Variants in TTC21A observed in about 807,000 individuals in gnomAD.
TTC21A encodes tetratricopeptide repeat domain 21A.
A neutral mutation model predicts 156.4 loss-of-function variants in TTC21A; 128 were observed. The ratio of observed to expected loss-of-function variants is 0.82; its 90% CI spans 0.71 to 0.95. The LOEUF is 0.95. Among genes scored for constraint, TTC21A ranks in the 40% least tolerant of loss-of-function variants. The pLI is 0.00. For synonymous variants in TTC21A, 587 were observed against 617.1 expected (o/e 0.95, Z 0.72); for missense variants, 1,435 against 1,602.3 (o/e 0.90, Z 1.78).
At position 39,109,140 on chromosome 3, in the gene TTC21A, C is replaced by A. The variant is rs1488185438; in HGVS notation, c.83C>A (p.Ala28Glu). Residue 28 changes from alanine (A) to glutamate (E), a missense_variant, in exon 2 of 29, where the codon GCA becomes GAA. Ala to Glu is a moderately radical substitution (Grantham distance 107). Transcript: ENST00000683103. ...TACTTCCACCATGTGCAGCAGGCTG[C>A]AGCTGTGGGCCTGGAAAAATTCAGC... ...EKYFHHVQQA[A>E]AVGLEKFSND... The A allele has an allele frequency of 5.0e-6, 8 of 1,614,010 alleles. No individual in the cohort carries two copies. The highest frequency in any genetic ancestry group is 6.8e-6 in the Non-Finnish European group (8 of 1,179,982).
intron 5 of TTC21A, 34 bp downstream of exon 5, chr3:39,112,614 C>A: frequency 6.2e-7 from 1 of 1,609,578 alleles, no homozygotes; most frequent in East Asian, 2.2e-5. Context: ...TGGAAGTATT[C>A]CTGGCCAGGC....
intron 15 of TTC21A, among the ~76,000 whole-genome samples, chr3:39,129,514 T>C (rs551117276): frequency 5.3e-5 from 8 of 152,242 alleles, no homozygotes; most frequent in Non-Finnish European, 8.8e-5. Flanking sequence ...CAGAATCGAA[T>C]TGGCCCTGAG....
In TTC21A at chr3:39,137,353, C is replaced by G; in HGVS notation, c.3416C>G (p.Ala1139Gly). The G allele has an allele frequency of 6.2e-7, 1 of 1,613,392 alleles. No homozygotes were observed. Among genetic ancestry groups the G allele is most frequent in the Non-Finnish European group, 8.5e-7 (1 of 1,179,716 alleles). Residue 1139 changes from alanine (A) to glycine (G), a missense_variant, in exon 25 of 29, where the codon GCG (alanine) becomes GGG (glycine). By Grantham distance (60) the Ala-to-Gly change is moderately conservative (BLOSUM62 0). Transcript: ENST00000683103. ...AGGGAGAAGGCTAACATGGAGGCTG[C>G]GCTGGGCAGCTTCATCCAGATAGCG... is the stretch of plus-strand genomic sequence containing the variant. ...ATREKANMEA[A>G]LGSFIQIAQA...
rs765603282 is a variant in TTC21A at position 39,129,287 on chromosome 3, G to C, written c.2112G>C (p.Arg704Ser). Reference sequence around the variant, plus strand: ...TCTACCTGCAGACCCTCAGAGACAGGCGCCTCTACATCAGATGCTACCGGT... The same window carrying C: ...TCTACCTGCAGACCCTCAGAGACAGCCGCCTCTACATCAGATGCTACCGGT... ...ANIYLQTLRDRRLYIRCYREL... is the reference protein window; with the variant it reads ...ANIYLQTLRDSRLYIRCYREL... The change falls in exon 15 of 29, where the codon AGG (arginine) becomes AGC (serine). Residue 704 changes from arginine (R) to serine (S), a missense_variant. Transcript: ENST00000683103. 6.2e-7 allele frequency: 1 copy of C among 1,614,138 alleles called. No individual in the cohort carries two copies. The highest frequency in any genetic ancestry group is 8.5e-7 in the Non-Finnish European group (1 of 1,179,954).
chr3:39,109,035 A>G, intron 1 of TTC21A, 50 bp from the exon 2 acceptor site: 1 of 1,595,460 alleles, frequency 6.3e-7, no homozygotes, highest in Non-Finnish European at 8.6e-7. Flanking sequence ...GGGACAGAAC[A>G]GAGACAGAGA....
At chr3:39,127,912 T>C (rs2038400759) in intron 12 of TTC21A, among the ~76,000 whole-genome samples, 1 of 152,252 alleles carries the variant, frequency 6.6e-6, no homozygotes, top group Admixed American at 6.5e-5. Context: ...AATCAGACTT[T>C]CTAAAGTGTT....
chr3:39,138,030 C>A (rs532286882), intron 26 of TTC21A, among the ~76,000 whole-genome samples: 5 of 152,018 alleles, frequency 3.3e-5, no homozygotes, highest in African/African-American at 4.8e-5. Context: ...ATGGGAGTGG[C>A]GGAACAGGAG....
Position 39,129,057 on chromosome 3 carries a change from A to T in TTC21A, c.1897-15A>T. ...GTGCATCAAGTGAAGGGTCTGTTTG[A>T]TTCCCATGTTTTAGCATGAGGCCAC... On this transcript the variant is annotated splice_polypyrimidine_tract_variant and intron_variant, in intron 14 of 28. Transcript: ENST00000683103. 1 of 1,613,740 alleles carries T rather than the reference A, an allele frequency of 6.2e-7. No homozygotes were observed. Among genetic ancestry groups the T allele is most frequent in the Non-Finnish European group, 8.5e-7 (1 of 1,179,630 alleles).
chr3:39,126,385 A>G lies in TTC21A; in HGVS notation c.1517A>G (p.Tyr506Cys), dbSNP rs767135088. 6.2e-7 allele frequency: 1 copy of G among 1,605,798 alleles called. No homozygotes were observed. Among genetic ancestry groups the G allele is most frequent in the South Asian group, 1.1e-5 (1 of 90,932 alleles). ...PLYLMAQVRY[Y>C]SGELENAQSI... ...TATTTGATGGCTCAGGTCAGGTATT[A>G]CTCAGGTGAGCGGGGGATCCTGACA... is the stretch of plus-strand genomic sequence containing the variant. The change falls in exon 12 of 29, where the codon TAC (tyrosine) becomes TGC (cysteine). Residue 506 changes from tyrosine (Y) to cysteine (C), a missense_variant. Transcript: ENST00000683103.
chr3:39,125,769 A>G (rs957804595), intron 11 of TTC21A, among the ~76,000 whole-genome samples: 4 of 152,232 alleles, frequency 2.6e-5, no homozygotes, highest in African/African-American at 9.6e-5. Flanking sequence ...CTGCATCTCT[A>G]ACAGGCTCCC....
Position 39,137,682 on chromosome 3 carries a change from T to G in TTC21A, c.3647T>G (p.Leu1216Arg). 1 of 1,613,518 alleles carries G rather than the reference T, an allele frequency of 6.2e-7. No homozygotes were observed. The highest frequency in any genetic ancestry group is 8.5e-7 in the Non-Finnish European group (1 of 1,179,808). The change falls in exon 26 of 29, where the codon CTG becomes CGG. Residue 1216 changes from leucine (L) to arginine (R), a missense_variant. Physicochemically the swap from Leu to Arg is moderately radical, Grantham distance 102 (BLOSUM62 -2). Transcript: ENST00000683103. Reference sequence around the variant, plus strand: ...AGCAAGTTCGACCTCGCCTTAGAACTGCTGCGGCGCTGTGTGCAATACAAC... The same window carrying G: ...AGCAAGTTCGACCTCGCCTTAGAACGGCTGCGGCGCTGTGTGCAATACAAC... Reference protein sequence around the residue: ...QGSKFDLALELLRRCVQYNKS... With the variant: ...QGSKFDLALERLRRCVQYNKS...
chr3:39,108,999 G>A (rs571595194), intron 1 of TTC21A, 86 bp from the exon 2 acceptor site: 162 of 1,461,398 alleles, frequency 1.1e-4, no homozygotes, highest in Middle Eastern at 9.0e-4. Flanking sequence ...CAGGGGATAG[G>A]GAAGGGAGCA....
At chr3:39,119,759 A>G (rs2037600034) in intron 7 of TTC21A, 163 bp from the exon 8 acceptor site, 2 of 590,726 alleles carry the variant, frequency 3.4e-6, no homozygotes. Flanking sequence ...TGATGCCTGG[A>G]CCACTCCAAT....
In TTC21A at chr3:39,130,313, C is replaced by T; in HGVS notation, c.2274C>T (p.Ala758=). 6.2e-7 allele frequency: 1 copy of T among 1,613,960 alleles called. No individual in the cohort carries two copies. The highest frequency in any genetic ancestry group is 8.5e-7 in the Non-Finnish European group (1 of 1,179,930). ...AGAACCCACATGACGCCTCCCTGGC[C>T]AGCAGAATTGGGCACGCTTATGTGA... ...YRQNPHDASL[A]SRIGHAYVKA... The change falls in exon 17 of 29, where the codon GCC becomes GCT. Residue 758 remains alanine (A), a synonymous_variant. Transcript: ENST00000683103. This position sits in a 1 kb window ranked among gnomAD's most constrained non-coding sequence, Gnocchi z 4.5.
intron 12 of TTC21A, 130 bp downstream of exon 12, chr3:39,126,520 A>ACACC: frequency 2.4e-6 from 2 of 821,602 alleles, no homozygotes; most frequent in Non-Finnish European, 1.8e-6. Context: ...ACACACACAC[A>ACACC]CTCTCCTTGC....
Position 39,136,935 on chromosome 3 carries a change from G to A in TTC21A, c.3132G>A (p.Leu1044=), listed in dbSNP as rs764988186. The part of the protein sequence containing the change: ...IGQPNEALKF[L]NKARKDSTWG... ...AGCCCAACGAAGCCTTAAAGTTCCT[G>A]AACAAGGCACGCAAGGACAGCACTT... The change falls in exon 24 of 29, where the codon CTG becomes CTA. Residue 1044 remains leucine, a synonymous_variant. Transcript: ENST00000683103. 3 of 1,614,106 alleles carry A rather than the reference G, an allele frequency of 1.9e-6. No individual in the cohort carries two copies. The highest frequency in any genetic ancestry group is 1.7e-5 in the Admixed American group (1 of 60,012).
rs770247738 is a variant in TTC21A, at chr3:39,121,199, G to A, written c.1093+10G>A. 7 of 1,605,270 alleles carry A rather than the reference G, an allele frequency of 4.4e-6. No individual in the cohort carries two copies. Among genetic ancestry groups the A allele is most frequent in the Non-Finnish European group, 6.0e-6 (7 of 1,174,430 alleles). On this transcript the variant is annotated intron_variant, in intron 9 of 28. Coordinates refer to ENST00000683103, the MANE Select transcript of TTC21A (RefSeq NM_001366900.1). ...ATGGCTGGTTTGACAGGTATATGCAGGTGTGGCAGGGCTCAGGGATGGGTG... is the reference window on the plus strand; with the variant it reads ...ATGGCTGGTTTGACAGGTATATGCAAGTGTGGCAGGGCTCAGGGATGGGTG...
chr3:39,126,583 T>TACAC (rs3033302), intron 12 of TTC21A, among the ~76,000 whole-genome samples, 193 bp downstream of exon 12: 5 of 135,758 alleles, frequency 3.7e-5, no homozygotes, highest in Admixed American at 7.5e-5. Context: ...CCTGGGGTAC[T>TACAC]ACACACACAC....
Position 39,129,034 on chromosome 3 carries a change from G to A in TTC21A, c.1897-38G>A, listed in dbSNP as rs565100494. On this transcript the variant is annotated intron_variant, in intron 14 of 28. Transcript: ENST00000683103. Reference sequence around the variant, plus strand: ...TTGATTCCACCCACTGTTTACTTGTGCATCAAGTGAAGGGTCTGTTTGATT... The same window carrying A: ...TTGATTCCACCCACTGTTTACTTGTACATCAAGTGAAGGGTCTGTTTGATT... 2.5e-5 allele frequency: 40 copies of A among 1,608,066 alleles called. No individual in the cohort carries two copies. In the South Asian group the frequency reaches 3.0e-4, roughly 12 times the overall value.
Sources: allele counts gnomAD v4.1 joint callset (sites outside exome capture counted in the v4.1 genomes callset), GRCh38; gene constraint gnomAD v4.1.1; non-coding constraint Gnocchi (gnomAD v3.1); transcripts MANE v1.5; gene names NCBI Gene and HGNC (gene_info 2026-07-23, HGNC 2026-07-21).